Variants in SPATA31H1 observed in about 807,000 individuals in gnomAD.
The protein encoded by SPATA31H1 is spermatogenesis-associated protein 31H1.
the SPATA31H1 span, chr2:27,581,537 C>A: frequency 1.9e-6 from 3 of 1,558,702 alleles, no homozygotes; most frequent in South Asian, 3.4e-5. Flanking sequence ...GAAGCCATCG[C>A]AGTCCCTCAG....
chr2:27,582,007 G>C, the SPATA31H1 span: 1 of 1,613,704 alleles, frequency 6.2e-7, no homozygotes, highest in African/African-American at 1.3e-5. Flanking sequence ...CCCTTGGAGA[G>C]GAGCCGTCAC....
the SPATA31H1 span, among the ~76,000 whole-genome samples, chr2:27,544,529 ATT>A: frequency 2.4e-5 from 3 of 125,100 alleles, no homozygotes; most frequent in Admixed American, 9.2e-5. Context: ...GTTGACAACA[ATT>A]TTTTTTTTTT....
chr2:27,570,137 A>C, the SPATA31H1 span: 1 of 398,926 alleles, frequency 2.5e-6, no homozygotes, highest in East Asian at 3.6e-5. Context: ...TCCCAGAGCC[A>C]AAGCATCAAG....
chr2:27,580,726 G>A, the SPATA31H1 span: 1 of 1,614,144 alleles, frequency 6.2e-7, no homozygotes, highest in Non-Finnish European at 8.5e-7. Flanking sequence ...GACAATTTGT[G>A]GGCAAGCAAA....
At chr2:27,539,668 G>A in the SPATA31H1 span, among the ~76,000 whole-genome samples, 1 of 99,648 alleles carries the variant, frequency 1.0e-5, no homozygotes. Context: ...GGGCAGAGGG[G>A]CTCCTCACTT....
the SPATA31H1 span, chr2:27,582,534 G>T: frequency 1.3e-6 from 2 of 1,579,470 alleles, no homozygotes; most frequent in Non-Finnish European, 1.7e-6. Flanking sequence ...ATGAGGCGAG[G>T]TCCGCCCCTA....
chr2:27,578,399 A>C, the SPATA31H1 span: 1 of 1,614,166 alleles, frequency 6.2e-7, no homozygotes, highest in South Asian at 1.1e-5. Context: ...TAGCACCAGG[A>C]CCAATTCCTC....
chr2:27,579,366 C>G, the SPATA31H1 span: 48 of 1,614,202 alleles, frequency 3.0e-5, no homozygotes, highest in Non-Finnish European at 4.0e-5. Context: ...ATTTGGGATT[C>G]CAGCTGAACT....
chr2:27,548,863 A>T, the SPATA31H1 span, among the ~76,000 whole-genome samples: 1 of 151,702 alleles, frequency 6.6e-6, no homozygotes, highest in Non-Finnish European at 1.5e-5. Context: ...ACTTGAGGTC[A>T]GGAGTTCAAG....
the SPATA31H1 span, among the ~76,000 whole-genome samples, chr2:27,549,616 C>T: frequency 6.6e-6 from 1 of 151,708 alleles, no homozygotes; most frequent in South Asian, 2.1e-4. Context: ...TCAAGACCAG[C>T]CTGGCCAACA....
chr2:27,570,024 G>A, the SPATA31H1 span: 1 of 398,880 alleles, frequency 2.5e-6, no homozygotes, highest in Non-Finnish European at 4.4e-6. Context: ...ACATCAAAGT[G>A]TCAAATTTGT....
At chr2:27,556,695 T>A in the SPATA31H1 span, among the ~76,000 whole-genome samples, 21,812 of 146,492 alleles carry the variant, frequency 0.15, 2,846 homozygotes, top group African/African-American at 0.35. Context: ...GGCATATATT[T>A]TTTTTTTTTT....
At chr2:27,578,103 C>T in the SPATA31H1 span, 1 of 1,614,056 alleles carries the variant, frequency 6.2e-7, no homozygotes, top group Non-Finnish European at 8.5e-7. Context: ...AAAAGTTGTT[C>T]AATCTGTGAA....
chr2:27,562,655 G>A, the SPATA31H1 span, among the ~76,000 whole-genome samples: 1 of 151,508 alleles, frequency 6.6e-6, no homozygotes, highest in Non-Finnish European at 1.5e-5. Context: ...GGGAGGCCGA[G>A]GCAGGTGGAT....
the SPATA31H1 span, among the ~76,000 whole-genome samples, chr2:27,563,745 G>C: frequency 2.0e-5 from 3 of 151,980 alleles, no homozygotes; most frequent in Non-Finnish European, 4.4e-5. Flanking sequence ...ATTTTTAGTA[G>C]AGACGGTGTT....
the SPATA31H1 span, among the ~76,000 whole-genome samples, chr2:27,553,774 T>C: frequency 6.6e-6 from 1 of 151,592 alleles, no homozygotes; most frequent in Non-Finnish European, 1.5e-5. Context: ...ATACAAAAAT[T>C]AGCCGGGTGT....
chr2:27,550,916 G>C, the SPATA31H1 span, among the ~76,000 whole-genome samples: 1 of 150,766 alleles, frequency 6.6e-6, no homozygotes, highest in African/African-American at 2.4e-5. Context: ...TTGAGATGGA[G>C]TCTCACTCTG....
At chr2:27,578,600 G>C in the SPATA31H1 span, 1 of 1,613,956 alleles carries the variant, frequency 6.2e-7, no homozygotes, top group Non-Finnish European at 8.5e-7. Flanking sequence ...ATACAATATT[G>C]ACTCATAAAC....
At chr2:27,566,454 TGAAGGAGG>T in the SPATA31H1 span, 3 of 697,690 alleles carry the variant, frequency 4.3e-6, no homozygotes, top group Non-Finnish European at 8.0e-6. Context: ...AGGAAGGGAA[TGAAGGAGG>T]GAGGGAGAGA....
Sources: gnomAD v4.1 joint callset for allele counts (sites outside exome capture counted in the v4.1 genomes callset) on GRCh38, gnomAD v4.1.1 for gene constraint, MANE v1.5 for transcripts, NCBI Gene and HGNC (gene_info 2026-07-23, HGNC 2026-07-21) for gene names.